PIWIL1: variants seen among roughly 807,000 people sequenced by gnomAD.
PIWIL1 encodes the protein piwi-like protein 1.
Under a neutral mutation model 114.4 loss-of-function variants are expected in PIWIL1, and 73 were observed. That is an observed-to-expected ratio of 0.64 (90% CI 0.53 to 0.78). The LOEUF is 0.78. Ranked by LOEUF, PIWIL1 falls within the 30% of genes least tolerant of loss-of-function variation. The probability of loss-of-function intolerance (pLI) is 0.00; values close to 1 mark genes in which losing one functional copy is unlikely to be tolerated. For synonymous variants in PIWIL1, 375 were observed against 369.0 expected (o/e 1.02, Z -0.19); for missense variants, 723 against 1,063.1 (o/e 0.68, Z 4.45).
At position 130,361,523 on chromosome 12, in the gene PIWIL1, T is replaced by G; in HGVS notation, c.1892T>G (p.Ile631Ser). 1.2e-6 allele frequency: 2 copies of G among 1,614,214 alleles called. No homozygotes were observed. The highest frequency in any genetic ancestry group is 1.7e-6 in the Non-Finnish European group (2 of 1,180,040). ...IPLKLVMIVG[I>S]DCYHDMTAGR... The stretch of plus-strand genomic sequence containing the variant: ...CTGAAGCTCGTGATGATCGTTGGCA[T>G]CGATTGTTACCATGACATGACAGCT... The change falls in exon 16 of 21, where the codon ATC (isoleucine) becomes AGC (serine). Residue 631 changes from isoleucine (I) to serine (S), a missense_variant. This residue lies in a region of PIWIL1 where 298 missense variants were observed against 420.8 expected (regional missense o/e 0.71). Coordinates refer to ENST00000245255, the MANE Select transcript of PIWIL1 (RefSeq NM_004764.5).
chr12:130,384,208 G>A, the PIWIL1 span, among the ~76,000 whole-genome samples: 2 of 152,246 alleles, frequency 1.3e-5, no homozygotes, highest in Non-Finnish European at 1.5e-5. Flanking sequence ...AGATGTGTGT[G>A]TGGCATGTAC....
intron 17 of PIWIL1, 46 bp from the exon 18 acceptor site, chr12:130,362,945 G>A (rs377568586): frequency 6.2e-7 from 1 of 1,612,032 alleles, no homozygotes; most frequent in Non-Finnish European, 8.5e-7. Context: ...CAGACGAGTT[G>A]TGTCGTAGGC....
At chr12:130,342,378 C>G (rs2072945632) in intron 1 of PIWIL1, 11 of 580,878 alleles carry the variant, frequency 1.9e-5, no homozygotes, top group Non-Finnish European at 3.4e-5. Flanking sequence ...TACTGCAGTG[C>G]CCAGTGCAAG....
At chr12:130,354,416 A>T in intron 9 of PIWIL1, 121 bp from the exon 10 acceptor site, 1 of 1,248,092 alleles carries the variant, frequency 8.0e-7, no homozygotes, top group Non-Finnish European at 1.1e-6. Flanking sequence ...CTCTGAAGCT[A>T]TTATCAGCCT....
chr12:130,406,311 T>C, the PIWIL1 span: 1 of 1,003,236 alleles, frequency 1.0e-6, no homozygotes, highest in Non-Finnish European at 1.5e-6. Context: ...TAAAAATAAG[T>C]TCTCTATGCT....
chr12:130,423,289 C>T, the PIWIL1 span, among the ~76,000 whole-genome samples: 2 of 152,186 alleles, frequency 1.3e-5, no homozygotes, highest in Non-Finnish European at 2.9e-5. Flanking sequence ...GTGTCTGCTG[C>T]AGAACCTGTG....
the PIWIL1 span, among the ~76,000 whole-genome samples, chr12:130,409,134 C>T: frequency 2.6e-5 from 4 of 152,066 alleles, no homozygotes; most frequent in Admixed American, 6.6e-5. Flanking sequence ...CTTACATACA[C>T]GAAGGCTCAC....
the PIWIL1 span, chr12:130,383,914 T>C: frequency 6.6e-6 from 1 of 152,230 alleles, no homozygotes; most frequent in Admixed American, 6.5e-5. Flanking sequence ...AGATGTATAT[T>C]TTTGTGTTTA....
At chr12:130,412,858 G>T in the PIWIL1 span, 1 of 1,381,080 alleles carries the variant, frequency 7.2e-7, no homozygotes, top group East Asian at 2.3e-5. Context: ...TCCCACTGAC[G>T]GTAAGTGAGT....
chr12:130,392,363 T>C, the PIWIL1 span, among the ~76,000 whole-genome samples: 30 of 151,570 alleles, frequency 2.0e-4, no homozygotes, highest in African/African-American at 7.1e-4. Flanking sequence ...GATGACCCGG[T>C]CACCGTCATC....
Position 130,349,921 on chromosome 12 carries a change from A to T in PIWIL1, c.998A>T (p.Lys333Met). ...DWDQNPKSTF[K>M]KADGSEVSFL... ...GACCAGAATCCCAAGAGCACCTTTA[A>T]GAAAGCCGACGGCTCTGAAGTCAGC... Residue 333 changes from lysine (K) to methionine (M), a missense_variant, in exon 9 of 21, where the codon AAG (lysine) becomes ATG (methionine). Around this residue, in one of 8 missense-constraint regions of PIWIL1, gnomAD observed 298 missense variants for 420.8 expected, o/e 0.71. Coordinates refer to ENST00000245255, the MANE Select transcript of PIWIL1 (RefSeq NM_004764.5). 1 of 1,613,582 alleles carries T rather than the reference A, an allele frequency of 6.2e-7. No individual in the cohort carries two copies. Among genetic ancestry groups the T allele is most frequent in the Non-Finnish European group, 8.5e-7 (1 of 1,179,664 alleles).
chr12:130,342,551 T>G, intron 1 of PIWIL1, 29 bp from the exon 2 acceptor site: 1 of 1,303,328 alleles, frequency 7.7e-7, no homozygotes, highest in Middle Eastern at 1.8e-4. Flanking sequence ...CTCCATTGAG[T>G]ATTGTCTTCA....
At chr12:130,423,255 G>A in the PIWIL1 span, among the ~76,000 whole-genome samples, 1 of 152,186 alleles carries the variant, frequency 6.6e-6, no homozygotes, top group African/African-American at 2.4e-5. Flanking sequence ...CATGAATGGT[G>A]GGAAGGGAGT....
chr12:130,419,583 A>G, the PIWIL1 span: 2 of 152,330 alleles, frequency 1.3e-5, no homozygotes, highest in South Asian at 2.1e-4. The surrounding 1 kb of genome is among the most constrained non-coding windows in gnomAD (Gnocchi z 4.3). Context: ...TCCCCTTTTT[A>G]AGGGGCAAAG....
At chr12:130,362,238 C>T (rs531179618) in intron 16 of PIWIL1, among the ~76,000 whole-genome samples, 1 of 152,154 alleles carries the variant, frequency 6.6e-6, no homozygotes, top group East Asian at 1.9e-4. Flanking sequence ...CCTTCCACCC[C>T]CAAGTAGGCC....
the PIWIL1 span, chr12:130,412,899 A>T: frequency 9.6e-6 from 10 of 1,042,918 alleles, 1 homozygote; most frequent in Middle Eastern, 2.3e-4. Context: ...AATATAGTTT[A>T]AAAATACCAT....
chr12:130,405,229 G>A, the PIWIL1 span, among the ~76,000 whole-genome samples: 1 of 152,150 alleles, frequency 6.6e-6, no homozygotes, highest in East Asian at 1.9e-4. Context: ...AAAAAGCAGA[G>A]GTTGAGCTGG....
intron 17 of PIWIL1, 65 bp from the exon 18 acceptor site, chr12:130,362,926 T>C: frequency 6.2e-7 from 1 of 1,611,704 alleles, no homozygotes; most frequent in Non-Finnish European, 8.5e-7. Flanking sequence ...GCCCAGACTT[T>C]GGGAAGAACA....
the PIWIL1 span, among the ~76,000 whole-genome samples, chr12:130,393,044 C>T: frequency 4.3e-5 from 5 of 115,724 alleles, no homozygotes; most frequent in Admixed American, 8.4e-5. Context: ...CACGTGTGTC[C>T]GTCAGTTACC....
Sources: allele counts gnomAD v4.1 joint callset (sites outside exome capture counted in the v4.1 genomes callset), GRCh38; gene constraint gnomAD v4.1.1; regional missense constraint gnomAD v4.1.1; non-coding constraint Gnocchi (gnomAD v3.1); transcripts MANE v1.5; gene names NCBI Gene and HGNC (gene_info 2026-07-23, HGNC 2026-07-21).